Variants in MTUS1 observed in about 807,000 individuals in gnomAD.
MTUS1 encodes microtubule associated scaffold protein 1, also known as microtubule-associated tumor suppressor 1.
MTUS1 carries 109 observed loss-of-function variants against 120.8 expected under a neutral mutation model. The ratio of observed to expected loss-of-function variants is 0.90; its 90% confidence interval spans 0.77 to 1.06. The LOEUF (loss-of-function observed/expected upper bound fraction) is 1.06, where lower values mean the gene tolerates loss of function less well. MTUS1 is among the 50% of genes least tolerant of loss of function. MTUS1 has a pLI of 0.00. For synonymous variants in MTUS1, 737 were observed against 550.5 expected, an observed-to-expected ratio of 1.34 and a Z score of -4.74; for missense variants, 2,210 against 1,486.3, an observed-to-expected ratio of 1.49 and a Z score of -8.01.
intron 1 of MTUS1, among the ~76,000 whole-genome samples, chr8:17,795,572 G>A (rs79078829): frequency 0.025 from 3,779 of 152,212 alleles, 154 homozygotes; most frequent in African/African-American, 0.086. Context: ...AAAGCTTCTA[G>A]GTTAGAATGA....
At chr8:17,736,848 G>C (rs1187071123) in intron 3 of MTUS1, among the ~76,000 whole-genome samples, 1 of 152,150 alleles carries the variant, frequency 6.6e-6, no homozygotes, top group Non-Finnish European at 1.5e-5. Flanking sequence ...GCCACCCAAA[G>C]TGCTGGGATT....
intron 6 of MTUS1, among the ~76,000 whole-genome samples, chr8:17,704,996 T>G (rs575791148): frequency 3.3e-4 from 51 of 152,318 alleles, no homozygotes; most frequent in African/African-American, 1.2e-3. Flanking sequence ...TCTTTTTATT[T>G]TTTTTGAGAC....
chr8:17,662,868 G>C (rs1273428960), intron 8 of MTUS1, among the ~76,000 whole-genome samples: 16 of 151,106 alleles, frequency 1.1e-4, no homozygotes. Flanking sequence ...GAAAAAGGAA[G>C]AAAGGAGGAA....
chr8:17,767,886 A>C (rs774622234), intron 1 of MTUS1, among the ~76,000 whole-genome samples: 3 of 152,048 alleles, frequency 2.0e-5, no homozygotes, highest in Non-Finnish European at 4.4e-5. Context: ...CGAATTGGCT[A>C]AAGGTGGAAG....
intron 4 of MTUS1, among the ~76,000 whole-genome samples, chr8:17,720,350 A>C (rs557398300): frequency 6.6e-6 from 1 of 152,076 alleles, no homozygotes; most frequent in South Asian, 2.1e-4. Context: ...CATCTAAAAA[A>C]AAAAAAAACA....
intron 1 of MTUS1, among the ~76,000 whole-genome samples, chr8:17,756,854 T>C (rs78119138): frequency 0.01 from 1,589 of 152,234 alleles, 25 homozygotes; most frequent in African/African-American, 0.036. Context: ...TAGGGTACAC[T>C]GAGAAGAGTA....
At chr8:17,746,952 T>C (rs1187067772) in intron 2 of MTUS1, among the ~76,000 whole-genome samples, 3 of 152,206 alleles carry the variant, frequency 2.0e-5, no homozygotes, top group African/African-American at 7.2e-5. Context: ...ACTTCAACAA[T>C]GAAAGCTGTT....
intron 6 of MTUS1, among the ~76,000 whole-genome samples, chr8:17,699,807 G>A (rs963524133): frequency 5.3e-5 from 8 of 152,190 alleles, no homozygotes; most frequent in South Asian, 2.1e-4. Flanking sequence ...AATGGCCATC[G>A]CTTACAATCT....
intron 1 of MTUS1, among the ~76,000 whole-genome samples, chr8:17,779,368 G>C (rs1184221882): frequency 6.6e-6 from 1 of 152,182 alleles, no homozygotes; most frequent in South Asian, 2.1e-4. Context: ...CAAGGAGTAC[G>C]TTCCTCCAAT....
chr8:17,758,938 G>A (rs2048828868), intron 1 of MTUS1, among the ~76,000 whole-genome samples: 1 of 152,220 alleles, frequency 6.6e-6, no homozygotes, highest in African/African-American at 2.4e-5. Flanking sequence ...CTGGAGTGCA[G>A]TGGCGCGATC....
chr8:17,783,035 G>A (rs2051004353), intron 1 of MTUS1, among the ~76,000 whole-genome samples: 1 of 152,302 alleles, frequency 6.6e-6, no homozygotes, highest in South Asian at 2.1e-4. Context: ...CCAAGATCGT[G>A]CCATTGCACT....
At chr8:17,646,424 T>C (rs960362669) in intron 14 of MTUS1, among the ~76,000 whole-genome samples, 6 of 151,940 alleles carry the variant, frequency 3.9e-5, no homozygotes. Context: ...TCTGTCTCTA[T>C]TAAAAATACA....
chr8:17,689,095 C>CA (rs936910680), intron 6 of MTUS1, among the ~76,000 whole-genome samples: 2 of 152,122 alleles, frequency 1.3e-5, no homozygotes, highest in African/African-American at 4.8e-5. Context: ...CCTGTACTCC[C>CA]AGCTACTCGG....
chr8:17,784,672 A>G (rs1008632749), intron 1 of MTUS1, among the ~76,000 whole-genome samples: 1 of 152,214 alleles, frequency 6.6e-6, no homozygotes, highest in Non-Finnish European at 1.5e-5. Flanking sequence ...AATGTATACA[A>G]TAGCATGCAG....
At chr8:17,712,778 G>C (rs1340724733) in intron 6 of MTUS1, among the ~76,000 whole-genome samples, 1 of 128,558 alleles carries the variant, frequency 7.8e-6, no homozygotes, top group East Asian at 2.2e-4. Flanking sequence ...AAATAGTGGA[G>C]GCTGCAGGCT....
chr8:17,728,835 G>A (rs1030410874), intron 3 of MTUS1, among the ~76,000 whole-genome samples: 1 of 152,170 alleles, frequency 6.6e-6, no homozygotes, highest in East Asian at 1.9e-4. Flanking sequence ...GAACTTGATT[G>A]TGTGGTAGCA....
At chr8:17,779,787 G>C (rs535093622) in intron 1 of MTUS1, among the ~76,000 whole-genome samples, 7 of 152,270 alleles carry the variant, frequency 4.6e-5, no homozygotes, top group South Asian at 2.1e-4. Flanking sequence ...AGTGTTGGAG[G>C]GGGGGCGGGG....
In MTUS1 at chr8:17,687,715, C is replaced by A. The variant is rs975032204; in HGVS notation, c.2624-3173G>T. 2.0e-5 allele frequency among the ~76,000 whole-genome samples: 3 copies of A among 152,306 alleles called. No individual in the cohort carries two copies. The East Asian group carries it at 5.8e-4, about 29-fold the overall frequency. ...GGGACTCATTCTAATGAAATGGCAG[C>A]CTCCATCAGGAAAACGAAGGCCAGA... is the stretch of plus-strand genomic sequence containing the variant. On this transcript the variant is annotated intron_variant, in intron 6 of 14. Transcript: ENST00000693296.
intron 1 of MTUS1, among the ~76,000 whole-genome samples, chr8:17,797,128 T>C (rs2052306691): frequency 1.3e-5 from 2 of 152,078 alleles, no homozygotes; most frequent in East Asian, 1.9e-4. Context: ...AATAAATTTT[T>C]AGGCTGAGGG....
Sources: gnomAD v4.1 joint callset for allele counts (sites outside exome capture counted in the v4.1 genomes callset) on GRCh38, gnomAD v4.1.1 for gene constraint, MANE v1.5 for transcripts, NCBI Gene and HGNC (gene_info 2026-07-23, HGNC 2026-07-21) for gene names.